CSMD1: variants seen among roughly 807,000 people sequenced by gnomAD.
CSMD1 encodes CUB and Sushi multiple domains 1.
Under a neutral mutation model 417.5 loss-of-function variants are expected in CSMD1, and 213 were observed. The ratio of observed to expected loss-of-function variants is 0.51; its 90% confidence interval spans 0.46 to 0.57. CSMD1 has a LOEUF of 0.57. Ranked by LOEUF, CSMD1 falls within the 20% of genes least tolerant of loss-of-function variation. The pLI is 0.00. For synonymous variants in CSMD1, 2,862 were observed against 1,736.8 expected, an observed-to-expected ratio of 1.65 and a Z score of -16.11; for missense variants, 6,923 against 4,529.7, an observed-to-expected ratio of 1.53 and a Z score of -15.17.
intron 1 of CSMD1, among the ~76,000 whole-genome samples, chr8:4,818,360 T>A (rs530867657): frequency 6.6e-6 from 1 of 152,338 alleles, no homozygotes; most frequent in African/African-American, 2.4e-5. Context: ...CAGTTTAATG[T>A]TCCTTCAATA....
rs573596203 is a variant in CSMD1 at position 4,052,161 on chromosome 8, G to A, written c.416-20062C>T. Among the ~76,000 whole-genome samples the A allele has an allele frequency of 4.6e-5, 7 of 152,202 alleles. No homozygotes were observed. In the South Asian group the frequency reaches 1.5e-3, roughly 32 times the overall value. On this transcript the variant is annotated intron_variant, in intron 3 of 69. Transcript: ENST00000635120. ...GGTGGTCTCGAACTCCTGACCTGAA[G>A]TGATCCACCCACCTTGGCCTCCGAA...
At chr8:3,815,807 A>G (rs951946018) in intron 5 of CSMD1, among the ~76,000 whole-genome samples, 1 of 152,166 alleles carries the variant, frequency 6.6e-6, no homozygotes, top group Non-Finnish European at 1.5e-5. Flanking sequence ...GAACGGGCCT[A>G]GAAAGTCTAA....
At chr8:3,474,990 C>G (rs918158899) in intron 11 of CSMD1, among the ~76,000 whole-genome samples, 2 of 152,140 alleles carry the variant, frequency 1.3e-5, no homozygotes, top group Non-Finnish European at 2.9e-5. Context: ...CAGTGTAAAA[C>G]TCTGTCATCT....
intron 3 of CSMD1, among the ~76,000 whole-genome samples, chr8:4,107,482 A>G (rs1420563398): frequency 6.6e-6 from 1 of 152,228 alleles, no homozygotes; most frequent in Non-Finnish European, 1.5e-5. Flanking sequence ...AGTGAAACGG[A>G]TATTTCAAAC....
rs569142938 is a variant in CSMD1 at position 4,807,073 on chromosome 8, T to A, written c.86-169515A>T. Among the ~76,000 whole-genome samples the A allele has an allele frequency of 4.6e-5, 7 of 152,250 alleles. No individual in the cohort carries two copies. In the South Asian group the frequency reaches 1.5e-3, roughly 32 times the overall value. On this transcript the variant is annotated intron_variant, in intron 1 of 69. Transcript: ENST00000635120. ...TTGAAATAGAAAAAGAATTAAATAT[T>A]TTTATTCTTTTTAACCACAGACTAA...
intron 5 of CSMD1, among the ~76,000 whole-genome samples, chr8:3,957,712 G>C (rs1370990982): frequency 6.1e-5 from 7 of 114,130 alleles, no homozygotes; most frequent in East Asian, 1.1e-3. Context: ...AAGAGGAAAA[G>C]AGAAAAGAAA....
intron 10 of CSMD1, among the ~76,000 whole-genome samples, chr8:3,496,869 TATAGACCCATTGGCCTATTTCTTC>T (rs1414946420): frequency 2.6e-5 from 4 of 152,338 alleles, no homozygotes; most frequent in East Asian, 3.9e-4. Flanking sequence ...TTAATTTCTT[TATAGACCCATTGGCCTATTTCTTC>T]ATAGACCCAT....
chr8:4,018,070 C>T (rs1418767512), intron 4 of CSMD1, among the ~76,000 whole-genome samples: 3 of 150,580 alleles, frequency 2.0e-5, no homozygotes, highest in African/African-American at 4.9e-5. Flanking sequence ...TGTATGCTTG[C>T]AAAAATAAGC....
rs567805964 is a variant in CSMD1 at position 3,730,177 on chromosome 8, T to A, written c.932-21686A>T. On this transcript the variant is annotated intron_variant, in intron 6 of 69. Transcript: ENST00000635120. ...TTCAAGTCCTTCCATTCCCCCAAAA[T>A]CATGTCTCCAACAGGTAGGCAGAGA... Among the ~76,000 whole-genome samples, 4 of 152,014 alleles carry A rather than the reference T, an allele frequency of 2.6e-5. No individual in the cohort carries two copies. The South Asian group carries it at 8.3e-4, about 32-fold the overall frequency.
intron 11 of CSMD1, among the ~76,000 whole-genome samples, chr8:3,485,041 T>C (rs894959281): frequency 2.0e-5 from 3 of 152,116 alleles, no homozygotes; most frequent in African/African-American, 7.2e-5. Context: ...AACATACAAC[T>C]CAAGCAATTA....
intron 5 of CSMD1, among the ~76,000 whole-genome samples, chr8:3,966,487 T>A (rs1812684757): frequency 6.6e-6 from 1 of 152,186 alleles, no homozygotes; most frequent in South Asian, 2.1e-4. Flanking sequence ...GTTATTTATT[T>A]ATTGGGAGAA....
intron 7 of CSMD1, among the ~76,000 whole-genome samples, chr8:3,680,021 G>C (rs1799570366): frequency 6.6e-6 from 1 of 152,038 alleles, no homozygotes; most frequent in Non-Finnish European, 1.5e-5. Context: ...GAATCTCTGG[G>C]ACACATTTAA....
At chr8:4,649,427 G>C (rs1759224067) in intron 1 of CSMD1, among the ~76,000 whole-genome samples, 1 of 152,126 alleles carries the variant, frequency 6.6e-6, no homozygotes, top group African/African-American at 2.4e-5. Context: ...TTACTGATGA[G>C]AAAAACTAAA....
intron 3 of CSMD1, among the ~76,000 whole-genome samples, chr8:4,168,469 G>A (rs1269013629): frequency 6.6e-6 from 1 of 151,652 alleles, no homozygotes; most frequent in African/African-American, 2.4e-5. Flanking sequence ...TTTAGAAAAG[G>A]GATGTGGTAA....
At position 4,967,353 on chromosome 8, in the gene CSMD1, G is replaced by GA. The variant is rs901114650; in HGVS notation, c.85+26978dup. ...TTTTAAGATATCCAAGTCTTCTGAA[G>GA]AAAAAAACAATAATCACTGCCATGA... On this transcript the variant is annotated intron_variant, in intron 1 of 69. Coordinates refer to ENST00000635120, the MANE Select transcript of CSMD1 (RefSeq NM_033225.6). Among the ~76,000 whole-genome samples, 7 of 151,856 alleles carry GA rather than the reference G, an allele frequency of 4.6e-5. No individual in the cohort carries two copies. The South Asian group carries it at 6.2e-4, about 14-fold the overall frequency.
intron 2 of CSMD1, among the ~76,000 whole-genome samples, chr8:4,508,714 T>C (rs1802662373): frequency 6.6e-6 from 1 of 152,116 alleles, no homozygotes; most frequent in Admixed American, 6.6e-5. Flanking sequence ...TTTTAGCTGC[T>C]TCAAAGGGGA....
rs146915177 is a variant in CSMD1 at position 4,188,089 on chromosome 8, G to A, written c.416-155990C>T. On this transcript the variant is annotated intron_variant, in intron 3 of 69. Coordinates refer to ENST00000635120, the MANE Select transcript of CSMD1 (RefSeq NM_033225.6). ...TAAAACAAATAGAAAAGTGACTGCTGGCAGGATGCACGACATGTAATTAAA... is the reference window on the plus strand; with the variant it reads ...TAAAACAAATAGAAAAGTGACTGCTAGCAGGATGCACGACATGTAATTAAA... 4.8e-3 allele frequency among the ~76,000 whole-genome samples: 730 copies of A among 152,142 alleles called. 9 individuals carry two copies. The highest frequency in any genetic ancestry group is 0.017 in the African/African-American group (711 of 41,478).
At chr8:4,618,335 G>T (rs1462928161) in intron 2 of CSMD1, among the ~76,000 whole-genome samples, 3 of 152,040 alleles carry the variant, frequency 2.0e-5, no homozygotes, top group Non-Finnish European at 4.4e-5. Flanking sequence ...GCCCAGCTTT[G>T]CTTGACGAAC....
chr8:4,867,235 T>A (rs945220294), intron 1 of CSMD1, among the ~76,000 whole-genome samples: 2 of 152,068 alleles, frequency 1.3e-5, no homozygotes, highest in Non-Finnish European at 2.9e-5. Context: ...GCTGGAGTGT[T>A]TGGGGGTTGT....
Sources: gnomAD v4.1 joint callset for allele counts (sites outside exome capture counted in the v4.1 genomes callset) on GRCh38, gnomAD v4.1.1 for gene constraint, MANE v1.5 for transcripts, NCBI Gene and HGNC (gene_info 2026-07-23, HGNC 2026-07-21) for gene names.